The following KCNMA1 variants were observed in gnomAD, a reference collection of about 807,000 sequenced individuals.
The protein encoded by KCNMA1 is Calcium-activated potassium channel subunit alpha-1.
Under a neutral mutation model 140.0 loss-of-function variants are expected in KCNMA1, and 29 were observed. The observed-to-expected ratio is 0.21, with a 90% CI of 0.15 to 0.28. KCNMA1 has a LOEUF of 0.28. Ranked by LOEUF, KCNMA1 falls within the 10% of genes least tolerant of loss-of-function variation. The probability of loss-of-function intolerance (pLI) is 1.00; values close to 1 mark genes in which losing one functional copy is unlikely to be tolerated. For missense variants in KCNMA1, 880 were observed against 1,602.2 expected, an observed-to-expected ratio of 0.55 and a Z score of 7.70; for synonymous variants, 612 against 611.9, an observed-to-expected ratio of 1.00 and a Z score of 0.00.
intron 1 of KCNMA1, among the ~76,000 whole-genome samples, chr10:77,443,810 A>G (rs771472896): frequency 5.9e-5 from 9 of 152,226 alleles, no homozygotes; most frequent in Non-Finnish European, 1.0e-4. Flanking sequence ...AAATGAAAAT[A>G]AAAATATCTT....
At chr10:77,479,113 G>C (rs187291190) in intron 1 of KCNMA1, among the ~76,000 whole-genome samples, 21 of 152,314 alleles carry the variant, frequency 1.4e-4, no homozygotes, top group Non-Finnish European at 2.5e-4. Context: ...GTTTTTTGCA[G>C]ATAATTTACA....
chr10:77,064,678 G>T (rs1452672641), intron 14 of KCNMA1, among the ~76,000 whole-genome samples: 1 of 152,190 alleles, frequency 6.6e-6, no homozygotes, highest in East Asian at 1.9e-4. Context: ...CAGACTGAGT[G>T]GCACTGCGGG....
intron 2 of KCNMA1, among the ~76,000 whole-genome samples, chr10:77,362,877 T>C (rs917770107): frequency 6.6e-6 from 1 of 152,190 alleles, no homozygotes; most frequent in Non-Finnish European, 1.5e-5. Context: ...GGCCAAGCCA[T>C]CCCACAAGCA....
chr10:76,969,026 T>A (rs2075061928), intron 20 of KCNMA1, among the ~76,000 whole-genome samples: 1 of 151,978 alleles, frequency 6.6e-6, no homozygotes, highest in African/African-American at 2.4e-5. Flanking sequence ...CCACATAGGG[T>A]GAGCAGTGCA....
chr10:77,115,502 C>T (rs1237147280), intron 6 of KCNMA1, among the ~76,000 whole-genome samples: 1 of 152,140 alleles, frequency 6.6e-6, no homozygotes, highest in African/African-American at 2.4e-5. Flanking sequence ...GTGTGTTGTT[C>T]ATTTTCTCAG....
At chr10:77,268,283 G>A (rs1168742611) in intron 2 of KCNMA1, among the ~76,000 whole-genome samples, 1 of 152,098 alleles carries the variant, frequency 6.6e-6, no homozygotes, top group Non-Finnish European at 1.5e-5. Context: ...GAACGACAAT[G>A]TCTAAAACCT....
intron 13 of KCNMA1, among the ~76,000 whole-genome samples, chr10:77,075,329 A>T (rs1021088604): frequency 2.0e-5 from 3 of 152,228 alleles, no homozygotes; most frequent in African/African-American, 7.2e-5. Flanking sequence ...ATAACTGGAG[A>T]AATACTCACT....
intron 3 of KCNMA1, among the ~76,000 whole-genome samples, chr10:77,197,554 C>T (rs907019119): frequency 6.6e-6 from 1 of 152,152 alleles, no homozygotes; most frequent in Non-Finnish European, 1.5e-5. Context: ...AACTGAGGGC[C>T]CACAGGGATG....
chr10:77,050,295 C>T (rs1338963178), intron 14 of KCNMA1, among the ~76,000 whole-genome samples: 1 of 148,270 alleles, frequency 6.7e-6, no homozygotes, highest in Non-Finnish European at 1.5e-5. Flanking sequence ...AATAAAAAAA[C>T]AAAAAAACAA....
intron 1 of KCNMA1, among the ~76,000 whole-genome samples, chr10:77,588,081 T>C (rs922957014): frequency 6.6e-6 from 1 of 152,200 alleles, no homozygotes; most frequent in African/African-American, 2.4e-5. Flanking sequence ...TCTAATTCCA[T>C]GGGAATGAAG....
intron 14 of KCNMA1, among the ~76,000 whole-genome samples, chr10:77,052,065 T>C (rs769148841): frequency 5.3e-5 from 8 of 152,148 alleles, no homozygotes; most frequent in Non-Finnish European, 1.0e-4. Context: ...ACAAGATAGC[T>C]CTACTGCTCA....
At chr10:77,344,071 C>T (rs1455268153) in intron 2 of KCNMA1, among the ~76,000 whole-genome samples, 1 of 152,230 alleles carries the variant, frequency 6.6e-6, no homozygotes, top group Admixed American at 6.5e-5. Flanking sequence ...ACACAGGCAT[C>T]CCCTGCCCCA....
At chr10:77,404,880 AG>A (rs2096416227) in intron 1 of KCNMA1, among the ~76,000 whole-genome samples, 1 of 149,236 alleles carries the variant, frequency 6.7e-6, no homozygotes, top group African/African-American at 2.6e-5. Context: ...GAACATTTGC[AG>A]GAAAGAATAG....
intron 2 of KCNMA1, among the ~76,000 whole-genome samples, chr10:77,323,277 C>A (rs2082892432): frequency 6.6e-6 from 1 of 152,148 alleles, no homozygotes; most frequent in Admixed American, 6.5e-5. Flanking sequence ...CAGACTGGTA[C>A]ATTAAAGAAG....
At chr10:77,122,757 G>C (rs1395545593) in intron 5 of KCNMA1, among the ~76,000 whole-genome samples, 2 of 152,168 alleles carry the variant, frequency 1.3e-5, no homozygotes, top group Non-Finnish European at 2.9e-5. Flanking sequence ...TCAGTTCTTA[G>C]AGACCAATGC....
At chr10:77,131,404 T>C (rs1283198602) in intron 5 of KCNMA1, among the ~76,000 whole-genome samples, 2 of 151,376 alleles carry the variant, frequency 1.3e-5, no homozygotes, top group African/African-American at 4.9e-5. Context: ...AAAAAAACAC[T>C]GTCAAGTACA....
At chr10:77,474,437 C>T (rs1411888002) in intron 1 of KCNMA1, among the ~76,000 whole-genome samples, 1 of 152,174 alleles carries the variant, frequency 6.6e-6, no homozygotes, top group East Asian at 1.9e-4. Flanking sequence ...GAAAACAAGG[C>T]GGCCATCTAC....
chr10:77,339,515 C>A (rs1029029292), intron 2 of KCNMA1, among the ~76,000 whole-genome samples: 1 of 152,182 alleles, frequency 6.6e-6, no homozygotes, highest in Admixed American at 6.5e-5. Flanking sequence ...CAGAGCTAGG[C>A]ACTCCTGCCT....
At chr10:76,969,842 G>C (rs908803838) in intron 20 of KCNMA1, 132 bp downstream of exon 20, 3 of 717,230 alleles carry the variant, frequency 4.2e-6, no homozygotes, top group Non-Finnish European at 7.7e-6. Context: ...GCCATCTAAC[G>C]ATCTCGCTCC....
Sources: gnomAD v4.1 joint callset for allele counts (sites outside exome capture counted in the v4.1 genomes callset) on GRCh38, gnomAD v4.1.1 for gene constraint, MANE v1.5 for transcripts, NCBI Gene and HGNC (gene_info 2026-07-23, HGNC 2026-07-21) for gene names.